CCPG1: variants seen among roughly 807,000 people sequenced by gnomAD.
CCPG1 encodes the protein cell cycle progression 1.
Under a neutral mutation model 81.3 loss-of-function variants are expected in CCPG1, and 46 were observed. The ratio of observed to expected loss-of-function variants is 0.57; its 90% CI spans 0.45 to 0.72. The LOEUF is 0.72. Among genes scored for constraint, CCPG1 ranks in the 30% least tolerant of loss-of-function variants. The pLI is 0.00. For synonymous variants in CCPG1, 330 were observed against 305.2 expected, an observed-to-expected ratio of 1.08 and a Z score of -0.85; for missense variants, 902 against 937.6, an observed-to-expected ratio of 0.96 and a Z score of 0.50.
chr15:55,374,716 C>T (rs139314683), intron 5 of CCPG1, among the ~76,000 whole-genome samples: 5,679 of 152,204 alleles, frequency 0.037, 107 homozygotes, highest in African/African-American at 0.053. Flanking sequence ...CTGCAACCTC[C>T]GCCTCCTGGG....
Position 55,371,848 on chromosome 15 carries a change from C to G in CCPG1, c.651G>C (p.Lys217Asn). Residue 217 changes from lysine to asparagine, a missense_variant, in exon 6 of 9, where the codon AAG (lysine) becomes AAC (asparagine). By Grantham distance (94) the Lys-to-Asn change is moderately conservative. Transcript: ENST00000442196. ...SKRQFSSGLN[K>N]CVILALVIAI... is the part of the protein sequence containing the mutation. ...CAATCACCAAAGCAAGTATAACACA[C>G]TTATTGAGACCACTACTGAACTGAC... 6.2e-7 allele frequency: 1 copy of G among 1,614,124 alleles called. No homozygotes were observed. Among genetic ancestry groups the G allele is most frequent in the Non-Finnish European group, 8.5e-7 (1 of 1,180,004 alleles).
chr15:55,370,398 T>G (rs1170190363), intron 6 of CCPG1, among the ~76,000 whole-genome samples: 1 of 152,202 alleles, frequency 6.6e-6, no homozygotes, highest in Admixed American at 6.5e-5. Flanking sequence ...ATCTAAGACA[T>G]TTCCTTTTAA....
intron 1 of CCPG1, among the ~76,000 whole-genome samples, chr15:55,393,731 G>T (rs531780393): frequency 6.6e-6 from 1 of 152,044 alleles, no homozygotes; most frequent in Non-Finnish European, 1.5e-5. Flanking sequence ...GGGTCTGGAG[G>T]CAGGGAACAT....
chr15:55,402,917 C>T (rs2057153298), intron 1 of CCPG1, among the ~76,000 whole-genome samples: 1 of 152,190 alleles, frequency 6.6e-6, no homozygotes, highest in African/African-American at 2.4e-5. Context: ...AGTTTCAGGA[C>T]ATTTGATGCA....
chr15:55,372,194 G>C (rs532698274), intron 5 of CCPG1, 150 bp from the exon 6 acceptor site: 1 of 698,362 alleles, frequency 1.4e-6, no homozygotes, highest in Non-Finnish European at 2.3e-6. Context: ...ACAAAAACAC[G>C]GGTTTTCAAC....
chr15:55,393,060 C>A (rs1362799661), intron 1 of CCPG1, among the ~76,000 whole-genome samples: 2 of 152,132 alleles, frequency 1.3e-5, no homozygotes, highest in South Asian at 4.1e-4. Flanking sequence ...GCCAAGATGG[C>A]GCCATTGCAC....
chr15:55,358,689 A>G (rs2056131042), intron 8 of CCPG1: 2 of 985,306 alleles, frequency 2.0e-6, no homozygotes, highest in Non-Finnish European at 1.2e-6. Flanking sequence ...TGAGGCCACC[A>G]TGCCCCATAC....
chr15:55,396,115 C>A (rs2141333411), intron 1 of CCPG1, among the ~76,000 whole-genome samples: 1 of 149,006 alleles, frequency 6.7e-6, no homozygotes. Context: ...GATCGCACCA[C>A]TGCACTCCAG....
Position 55,387,062 on chromosome 15 carries a change from G to C in CCPG1, c.61-1348C>G, listed in dbSNP as rs150588230. Among the ~76,000 whole-genome samples, 454 of 152,264 alleles carry C rather than the reference G, an allele frequency of 3.0e-3. 1 individual carries two copies. Among genetic ancestry groups the C allele is most frequent in the Middle Eastern group, 0.01 (3 of 294 alleles). Reference sequence around the variant, plus strand: ...AACCAATTCTGGCCCAAATGAGAATGGCAGTAATGGGAGAGGAAAAGGAGA... The same window carrying C: ...AACCAATTCTGGCCCAAATGAGAATCGCAGTAATGGGAGAGGAAAAGGAGA... On this transcript the variant is annotated intron_variant, in intron 2 of 8. Coordinates refer to ENST00000442196, the MANE Select transcript of CCPG1 (RefSeq NM_001204450.2).
intron 3 of CCPG1, among the ~76,000 whole-genome samples, chr15:55,379,263 T>C (rs781471184): frequency 6.6e-6 from 1 of 151,540 alleles, no homozygotes; most frequent in Non-Finnish European, 1.5e-5. Context: ...GACTCATACC[T>C]GTCACCCTAG....
chr15:55,397,282 G>A (rs1037148726), intron 1 of CCPG1, among the ~76,000 whole-genome samples: 2 of 151,512 alleles, frequency 1.3e-5, no homozygotes, highest in Admixed American at 6.6e-5. Context: ...GACAGACTGA[G>A]TAGGGCTTAC....
chr15:55,406,491 A>G (rs761015536), intron 1 of CCPG1, among the ~76,000 whole-genome samples: 1 of 124,948 alleles, frequency 8.0e-6, no homozygotes, highest in Non-Finnish European at 1.6e-5. Context: ...TCACTCTGTC[A>G]CCCAGGTTGG....
Position 55,403,421 on chromosome 15 carries a change from T to C in CCPG1, c.-10+4800A>G, listed in dbSNP as rs570970257. ...ATAAGTACTTAAAAAAAAAAAAAGA[T>C]TTCAGGCTTCCTGTGATGACAGAAA... On this transcript the variant is annotated intron_variant, in intron 1 of 8. Coordinates refer to ENST00000442196, the MANE Select transcript of CCPG1 (RefSeq NM_001204450.2). 1.1e-4 allele frequency among the ~76,000 whole-genome samples: 17 copies of C among 150,056 alleles called. No individual in the cohort carries two copies. The South Asian group carries it at 2.3e-3, about 20-fold the overall frequency.
Position 55,364,407 on chromosome 15 carries a change from T to C in CCPG1, c.828+781A>G, listed in dbSNP as rs1335687184. Among the ~76,000 whole-genome samples the C allele has an allele frequency of 1.3e-5, 2 of 150,512 alleles. 1 individual carries two copies. Among genetic ancestry groups the C allele is most frequent in the Admixed American group, 1.3e-4 (2 of 15,096 alleles). ...ACTCTCCTCTTTCCCTCCTGCCAAC[T>C]GAAAATGTTTGCTTCGCTCTGTGAA... On this transcript the variant is annotated intron_variant, in intron 7 of 8. Transcript: ENST00000442196.
At chr15:55,395,397 GATA>G (rs1164282052) in intron 1 of CCPG1, among the ~76,000 whole-genome samples, 1 of 152,034 alleles carries the variant, frequency 6.6e-6, no homozygotes, top group Non-Finnish European at 1.5e-5. Flanking sequence ...ATCTTCAAAT[GATA>G]ATCTCATTAT....
intron 3 of CCPG1, 108 bp downstream of exon 3, chr15:55,385,492 G>T: frequency 1.7e-6 from 1 of 574,614 alleles, no homozygotes; most frequent in Non-Finnish European, 3.0e-6. Context: ...ATCCTCCAAC[G>T]ACCCCTTAGA....
intron 5 of CCPG1, chr15:55,372,795 C>T (rs898654226): frequency 2.9e-6 from 1 of 347,934 alleles, no homozygotes; most frequent in Non-Finnish European, 5.9e-6. Flanking sequence ...CAGGAAAGTA[C>T]ACAAGCATTT....
chr15:55,370,653 G>A (rs2056427542), intron 6 of CCPG1, among the ~76,000 whole-genome samples: 1 of 152,140 alleles, frequency 6.6e-6, no homozygotes, highest in Admixed American at 6.5e-5. Context: ...GAGGCGGGTG[G>A]ATCACAAGGT....
intron 1 of CCPG1, among the ~76,000 whole-genome samples, chr15:55,406,450 GT>G (rs751788415): frequency 1.8e-3 from 160 of 89,022 alleles, no homozygotes; most frequent in Admixed American, 3.1e-3. Flanking sequence ...TTTTTTTTTT[GT>G]TTTTTTTTTT....
Sources: allele counts gnomAD v4.1 joint callset (sites outside exome capture counted in the v4.1 genomes callset), GRCh38; gene constraint gnomAD v4.1.1; transcripts MANE v1.5; gene names NCBI Gene and HGNC (gene_info 2026-07-23, HGNC 2026-07-21).